The following TANGO6 variants were observed in gnomAD, a reference collection of about 807,000 sequenced individuals.
TANGO6 encodes the protein transport and Golgi organization protein 6 homolog.
Under a neutral mutation model 114.2 loss-of-function variants are expected in TANGO6, and 90 were observed. That is an observed-to-expected ratio of 0.79 (90% CI 0.66 to 0.94). The LOEUF is 0.94. Ranked by LOEUF, TANGO6 falls within the 40% of genes least tolerant of loss-of-function variation. The probability of loss-of-function intolerance (pLI) is 0.00; values close to 1 mark genes in which losing one functional copy is unlikely to be tolerated. For missense variants in TANGO6, 1,274 were observed against 1,315.3 expected (o/e 0.97, Z 0.49); for synonymous variants, 477 against 509.8 (o/e 0.94, Z 0.87).
At chr16:68,953,289 G>A (rs1963492953) in intron 14 of TANGO6, among the ~76,000 whole-genome samples, 1 of 151,908 alleles carries the variant, frequency 6.6e-6, no homozygotes, top group Admixed American at 6.6e-5. Context: ...CGCCATGTTG[G>A]CCAGGCTGAT....
intron 17 of TANGO6, among the ~76,000 whole-genome samples, chr16:69,057,383 CA>C (rs146360735): frequency 0.024 from 3,597 of 152,234 alleles, 145 homozygotes; most frequent in African/African-American, 0.081. Flanking sequence ...AACCCCATTT[CA>C]GTATGATTAC....
rs188386502 is a variant in TANGO6 at position 68,882,982 on chromosome 16, T to C, written c.1377+2352T>C. On this transcript the variant is annotated intron_variant, in intron 7 of 17. Coordinates refer to ENST00000261778, the MANE Select transcript of TANGO6 (RefSeq NM_024562.2). ...GCAGTGAGCCGAGATTGTGCCACTG[T>C]ACTCCAGCTTGGAAAACAGAGCGAG... Among the ~76,000 whole-genome samples the C allele has an allele frequency of 1.1e-4, 17 of 152,198 alleles. No homozygotes were observed. The East Asian group carries it at 2.3e-3, about 21-fold the overall frequency.
At chr16:68,964,209 C>T (rs1963621812) in intron 14 of TANGO6, among the ~76,000 whole-genome samples, 1 of 151,854 alleles carries the variant, frequency 6.6e-6, no homozygotes, top group African/African-American at 2.4e-5. Context: ...GCTAGTTACC[C>T]TGATCTGATC....
intron 15 of TANGO6, chr16:69,006,978 T>C (rs1264395256): frequency 6.6e-6 from 1 of 152,218 alleles, no homozygotes; most frequent in Non-Finnish European, 1.5e-5. Context: ...TACTTAGAGT[T>C]GGACATTTCA....
chr16:69,006,483 C>G (rs191115274), intron 15 of TANGO6, among the ~76,000 whole-genome samples: 3 of 152,074 alleles, frequency 2.0e-5, no homozygotes, highest in Non-Finnish European at 4.4e-5. Flanking sequence ...GTGGCTCATG[C>G]CTGTAATCCT....
intron 17 of TANGO6, among the ~76,000 whole-genome samples, chr16:69,047,912 TA>T (rs1959888314): frequency 6.6e-6 from 1 of 152,186 alleles, no homozygotes; most frequent in South Asian, 2.1e-4. Flanking sequence ...TTGTAATCCC[TA>T]ATTTTAGATG....
intron 9 of TANGO6, among the ~76,000 whole-genome samples, chr16:68,903,223 C>T (rs1264873525): frequency 6.6e-6 from 1 of 152,108 alleles, no homozygotes; most frequent in African/African-American, 2.4e-5. Flanking sequence ...TAAAACACCC[C>T]TTCAGTTTGA....
chr16:68,943,964 A>C lies in TANGO6; in HGVS notation c.2701+13669A>C, dbSNP rs1282712935. Among the ~76,000 whole-genome samples the C allele has an allele frequency of 2.6e-5, 4 of 152,206 alleles. No homozygotes were observed. In the East Asian group the frequency reaches 7.7e-4, roughly 29 times the overall value. ...AGGAATTCTAAGAAGGGGAGGGGCA[A>C]GCTCCAAAGAGGAGAGTCTCAACCA... On this transcript the variant is annotated intron_variant, in intron 14 of 17. Transcript: ENST00000261778.
chr16:68,843,687 T>C lies in TANGO6; in HGVS notation c.70T>C (p.Leu24=), dbSNP rs371218955. The change falls in exon 1 of 18, where the codon TTG becomes CTG. Residue 24 remains leucine (L), a synonymous_variant. Transcript: ENST00000261778. ...CGGTCTGGATCGGATTTTGGAGGCA[T>C]TGAAGCTGCTGCTGAGCCCGGGAGG... ...TCGLDRILEA[L]KLLLSPGGSG... The C allele has an allele frequency of 1.4e-5, 22 of 1,613,526 alleles. No individual in the cohort carries two copies. Among genetic ancestry groups the C allele is most frequent in the Admixed American group, 1.2e-4 (7 of 60,002 alleles).
chr16:68,896,061 A>G (rs1457249093), intron 7 of TANGO6, among the ~76,000 whole-genome samples: 1 of 151,860 alleles, frequency 6.6e-6, no homozygotes, highest in African/African-American at 2.4e-5. Context: ...GGAGTGCAGT[A>G]GCCATGATCT....
chr16:68,903,161 T>G (rs1169187047), intron 9 of TANGO6, among the ~76,000 whole-genome samples: 1 of 152,202 alleles, frequency 6.6e-6, no homozygotes, highest in Non-Finnish European at 1.5e-5. Flanking sequence ...TGCTGCTGTT[T>G]GTTGAAGTGT....
At chr16:68,897,456 TA>T (rs1388483734) in intron 7 of TANGO6, among the ~76,000 whole-genome samples, 2 of 152,148 alleles carry the variant, frequency 1.3e-5, no homozygotes, top group Non-Finnish European at 2.9e-5. Flanking sequence ...AATCTTTATA[TA>T]AAAATAATAT....
chr16:68,867,289 T>C (rs1962193865), intron 4 of TANGO6, 69 bp downstream of exon 4: 4 of 1,596,776 alleles, frequency 2.5e-6, no homozygotes, highest in Non-Finnish European at 2.6e-6. Context: ...AGGTGAATTA[T>C]TGGTCTTTAG....
intron 17 of TANGO6, among the ~76,000 whole-genome samples, chr16:69,073,722 C>T (rs1008020833): frequency 6.6e-6 from 1 of 151,898 alleles, no homozygotes; most frequent in Non-Finnish European, 1.5e-5. Context: ...TTTGGGAGGC[C>T]GAGGCCGGCA....
At position 68,902,470 on chromosome 16, in the gene TANGO6, G is replaced by A. The variant is rs758831500; in HGVS notation, c.1633G>A (p.Gly545Ser). The change falls in exon 9 of 18, where the codon GGT becomes AGT. Residue 545 changes from glycine (G) to serine (S), a missense_variant. Physicochemically the swap from Gly to Ser is moderately conservative, Grantham distance 56. This residue lies in a region of TANGO6 where 908 missense variants were observed against 910.2 expected (regional missense o/e 1.00). Coordinates refer to ENST00000261778, the MANE Select transcript of TANGO6 (RefSeq NM_024562.2). ...GTGTCAGTTTAGAGTTGCCACTCAA[G>A]GTGGCATTATGATTACCATCAAAGA... ...SLCQFRVATQ[G>S]GIMITIKEAI... 6.2e-7 allele frequency: 1 copy of A among 1,613,032 alleles called. No homozygotes were observed. The highest frequency in any genetic ancestry group is 8.5e-7 in the Non-Finnish European group (1 of 1,179,460).
intron 4 of TANGO6, among the ~76,000 whole-genome samples, chr16:68,873,227 T>C (rs1050917667): frequency 2.0e-5 from 3 of 152,174 alleles, no homozygotes; most frequent in Non-Finnish European, 4.4e-5. Context: ...TGGATTTACC[T>C]GTATTGGCAT....
At chr16:69,082,055 C>CTCACTGCAACCTCCGCCTCCTGGGT (rs1960473121) in intron 17 of TANGO6, among the ~76,000 whole-genome samples, 1 of 152,092 alleles carries the variant, frequency 6.6e-6, no homozygotes, top group South Asian at 2.1e-4. Context: ...GCTCACTGGG[C>CTCACTGCAACCTCCGCCTCCTGGGT]TCACTGCAAC....
intron 4 of TANGO6, among the ~76,000 whole-genome samples, chr16:68,870,269 A>G (rs938560781): frequency 6.6e-6 from 1 of 152,182 alleles, no homozygotes; most frequent in Admixed American, 6.5e-5. Context: ...GTGGGGAAGA[A>G]GGAAGAGAGC....
chr16:68,878,765 T>A (rs897076430), intron 6 of TANGO6, among the ~76,000 whole-genome samples: 12 of 152,112 alleles, frequency 7.9e-5, no homozygotes, highest in Admixed American at 2.0e-4. Flanking sequence ...ATTTTTTTTT[T>A]AATCCAGAAT....
Sources: gnomAD v4.1 joint callset for allele counts (sites outside exome capture counted in the v4.1 genomes callset) on GRCh38, gnomAD v4.1.1 for gene constraint, gnomAD v4.1.1 regional missense constraint, MANE v1.5 for transcripts, NCBI Gene and HGNC (gene_info 2026-07-23, HGNC 2026-07-21) for gene names.